The following EPHB1 variants were observed in gnomAD, a reference collection of about 807,000 sequenced individuals.
EPHB1 encodes EPH receptor B1, also known as ephrin type-B receptor 1.
EPHB1 carries 30 observed loss-of-function variants against 94.4 expected under a neutral mutation model. The ratio of observed to expected loss-of-function variants is 0.32; its 90% confidence interval spans 0.24 to 0.43. EPHB1 has a LOEUF of 0.43. Among genes scored for constraint, EPHB1 ranks in the 20% least tolerant of loss-of-function variants. The pLI is 1.00. For synonymous variants in EPHB1, 522 were observed against 489.1 expected, an observed-to-expected ratio of 1.07 and a Z score of -0.89; for missense variants, 1,055 against 1,308.3, an observed-to-expected ratio of 0.81 and a Z score of 2.99.
At chr3:135,224,045 G>A (rs1052254459) in intron 12 of EPHB1, among the ~76,000 whole-genome samples, 2 of 152,066 alleles carry the variant, frequency 1.3e-5, no homozygotes, top group African/African-American at 4.8e-5. Context: ...CCTTTTCTGT[G>A]TTTAGATATG....
Position 135,206,503 on chromosome 3 carries a change from A to G in EPHB1, c.2346+4814A>G, listed in dbSNP as rs116453301. Among the ~76,000 whole-genome samples the G allele has an allele frequency of 3.5e-3, 529 of 152,294 alleles. 8 individuals are homozygous for G. Among genetic ancestry groups the G allele is most frequent in the African/African-American group, 0.012 (503 of 41,570 alleles). On this transcript the variant is annotated intron_variant, in intron 12 of 15. Transcript: ENST00000398015. ...TCAACCGTGTTGTCCTGATTATAAT[A>G]ATGTTAGCAAAAGTTTTCCTGTCTG...
intron 4 of EPHB1, among the ~76,000 whole-genome samples, chr3:135,129,791 T>A (rs1428639934): frequency 1.3e-5 from 2 of 151,794 alleles, no homozygotes; most frequent in African/African-American, 4.8e-5. Context: ...CCTTGAAGAG[T>A]GAGCAGGAGT....
intron 3 of EPHB1, among the ~76,000 whole-genome samples, chr3:135,036,396 G>A (rs1354126779): frequency 6.6e-6 from 1 of 152,208 alleles, no homozygotes. Flanking sequence ...CAGGATGGAG[G>A]AGGCAGGCCT....
At chr3:135,101,543 T>A (rs1939037587) in intron 3 of EPHB1, among the ~76,000 whole-genome samples, 1 of 151,858 alleles carries the variant, frequency 6.6e-6, no homozygotes, top group Non-Finnish European at 1.5e-5. Context: ...CCAGCTAATT[T>A]TTTTTTTTTT....
chr3:134,956,068 G>A (rs1243046881), intron 3 of EPHB1, among the ~76,000 whole-genome samples: 1 of 152,124 alleles, frequency 6.6e-6, no homozygotes, highest in African/African-American at 2.4e-5. Flanking sequence ...TGCTTTAGCT[G>A]AAGTTGGACT....
At chr3:135,017,453 G>A (rs1046248539) in intron 3 of EPHB1, among the ~76,000 whole-genome samples, 4 of 152,120 alleles carry the variant, frequency 2.6e-5, no homozygotes, top group Admixed American at 6.5e-5. Flanking sequence ...ACTGGCAGCC[G>A]GAGCCCTCCA....
intron 1 of EPHB1, among the ~76,000 whole-genome samples, chr3:134,881,603 A>G (rs59916290): frequency 0.16 from 24,097 of 152,148 alleles, 3,408 homozygotes; most frequent in African/African-American, 0.39. Context: ...CTATTCTGAA[A>G]GGATCTCTCT....
intron 1 of EPHB1, among the ~76,000 whole-genome samples, chr3:134,833,305 G>A (rs149097684): frequency 3.9e-5 from 6 of 152,318 alleles, no homozygotes; most frequent in African/African-American, 1.2e-4. Flanking sequence ...CTGCTTTGAT[G>A]GGAAAGACTG....
At chr3:135,247,949 C>T (rs1166131106) in intron 13 of EPHB1, among the ~76,000 whole-genome samples, 3 of 152,172 alleles carry the variant, frequency 2.0e-5, no homozygotes, top group Non-Finnish European at 2.9e-5. Flanking sequence ...TTCATCACTC[C>T]TAGTGCCACC....
intron 12 of EPHB1, among the ~76,000 whole-genome samples, chr3:135,213,525 C>T (rs1223392812): frequency 6.6e-6 from 1 of 152,146 alleles, no homozygotes; most frequent in African/African-American, 2.4e-5. Context: ...TCTAATGTTA[C>T]CAAGAGAAAA....
intron 3 of EPHB1, among the ~76,000 whole-genome samples, chr3:135,078,211 G>A (rs183185063): frequency 6.6e-6 from 1 of 152,322 alleles, no homozygotes; most frequent in East Asian, 1.9e-4. Context: ...TCAGACAAGT[G>A]TATCCACTGT....
chr3:134,831,040 T>G (rs2036573002), intron 1 of EPHB1, among the ~76,000 whole-genome samples: 1 of 152,210 alleles, frequency 6.6e-6, no homozygotes, highest in African/African-American at 2.4e-5. Context: ...CCCAGGAATA[T>G]GTAGCTTCTA....
chr3:134,902,084 ATTTATAG>A (rs2038214065), intron 1 of EPHB1, among the ~76,000 whole-genome samples: 1 of 152,222 alleles, frequency 6.6e-6, no homozygotes, highest in Non-Finnish European at 1.5e-5. Context: ...TCAAATTTGC[ATTTATAG>A]AAGTCCGACC....
rs1333789916 is a variant in EPHB1, at chr3:134,890,334, A to G, written c.59-35482A>G. On this transcript the variant is annotated intron_variant, in intron 1 of 15. Coordinates refer to ENST00000398015, the MANE Select transcript of EPHB1 (RefSeq NM_004441.5). ...ACTAAATAATATGTTTGAGAGATCCATCCATGTTGAGACAAGTTGCTCTAG... is the reference window on the plus strand; with the variant it reads ...ACTAAATAATATGTTTGAGAGATCCGTCCATGTTGAGACAAGTTGCTCTAG... Among the ~76,000 whole-genome samples, 3 of 152,232 alleles carry G rather than the reference A, an allele frequency of 2.0e-5. No homozygotes were observed. The East Asian group carries it at 5.8e-4, about 29-fold the overall frequency.
intron 1 of EPHB1, among the ~76,000 whole-genome samples, chr3:134,921,498 C>A (rs1054989478): frequency 6.6e-6 from 1 of 152,208 alleles, no homozygotes; most frequent in Non-Finnish European, 1.5e-5. Context: ...GACTTTGCTT[C>A]TTGTCCTTTC....
Position 135,166,925 on chromosome 3 carries a change from C to T in EPHB1, c.1695-17C>T, listed in dbSNP as rs1941666911. On this transcript the variant is annotated splice_polypyrimidine_tract_variant and intron_variant, in intron 8 of 15. Coordinates refer to ENST00000398015, the MANE Select transcript of EPHB1 (RefSeq NM_004441.5). ...GGTGTGCCCTGTGGCTGAGAGAGCCCCTCTTTTTATCCACAGGAAACGGGC... is the reference window on the plus strand; with the variant it reads ...GGTGTGCCCTGTGGCTGAGAGAGCCTCTCTTTTTATCCACAGGAAACGGGC... The T allele has an allele frequency of 6.2e-7, 1 of 1,613,728 alleles. No homozygotes were observed. Among genetic ancestry groups the T allele is most frequent in the East Asian group, 2.2e-5 (1 of 44,876 alleles).
At chr3:135,056,336 A>T (rs1034926524) in intron 3 of EPHB1, among the ~76,000 whole-genome samples, 2 of 152,086 alleles carry the variant, frequency 1.3e-5, no homozygotes, top group African/African-American at 4.8e-5. Context: ...AGGCTGCGTC[A>T]TCTCTCCATG....
intron 1 of EPHB1, among the ~76,000 whole-genome samples, chr3:134,890,091 G>T (rs538517392): frequency 5.3e-5 from 8 of 151,838 alleles, no homozygotes; most frequent in African/African-American, 1.9e-4. Flanking sequence ...CTCTACAAAC[G>T]CAGAGGAAGC....
chr3:135,096,785 A>G (rs1047955781), intron 3 of EPHB1, among the ~76,000 whole-genome samples: 3 of 152,202 alleles, frequency 2.0e-5, no homozygotes, highest in Admixed American at 6.5e-5. Flanking sequence ...TACTCCACAG[A>G]GTCCTCACCT....
Sources: gnomAD v4.1 joint callset for allele counts (sites outside exome capture counted in the v4.1 genomes callset) on GRCh38, gnomAD v4.1.1 for gene constraint, MANE v1.5 for transcripts, NCBI Gene and HGNC (gene_info 2026-07-23, HGNC 2026-07-21) for gene names.